Variants in BCAP31 observed in about 807,000 individuals in gnomAD.
The protein encoded by BCAP31 is B-cell receptor-associated protein 31.
For synonymous variants in BCAP31, 75 were observed against 80.9 expected (o/e 0.93, Z 0.39); for missense variants, 124 against 193.0 (o/e 0.64, Z 2.12).
chrX:153,715,521 C>A (rs1557049918), intron 4 of BCAP31, 21 bp downstream of exon 4: 3 of 1,207,854 alleles, frequency 2.5e-6, no homozygotes, highest in Non-Finnish European at 3.4e-6. Flanking sequence ...ACAGCACCTG[C>A]CCCCTCAACC....
chrX:153,720,068 C>T (rs2091654240), intron 3 of BCAP31, among the ~76,000 whole-genome samples: 1 of 111,870 alleles, frequency 8.9e-6, no homozygotes, highest in Non-Finnish European at 1.9e-5. Context: ...CTGTGTTCTC[C>T]TCCTACTACT....
At chrX:153,724,073 G>A (rs1038542899) in intron 1 of BCAP31, 7 of 320,977 alleles carry the variant, frequency 2.2e-5, no homozygotes, top group Non-Finnish European at 3.6e-5. Flanking sequence ...ACTTGGCCCC[G>A]GCCTGGCACA....
intron 2 of BCAP31, among the ~76,000 whole-genome samples, chrX:153,721,996 T>C (rs2091670386): frequency 8.9e-6 from 1 of 112,201 alleles, no homozygotes; most frequent in South Asian, 3.7e-4. Context: ...TGTACTCCCC[T>C]TTGTAATATT....
At position 153,723,297 on chromosome X, in the gene BCAP31, G is replaced by T; in HGVS notation, c.-44-9C>A. 8.4e-7 allele frequency: 1 copy of T among 1,188,891 alleles called. No individual in the cohort carries two copies. The highest frequency in any genetic ancestry group is 1.1e-6 in the Non-Finnish European group (1 of 883,812). On this transcript the variant is annotated splice_polypyrimidine_tract_variant and intron_variant, in intron 1 of 7. Coordinates refer to ENST00000345046, the MANE Select transcript of BCAP31 (RefSeq NM_001256447.2). The stretch of plus-strand genomic sequence containing the variant: ...AGATGTGAGCTTGTTTCCTGGCAGG[G>T]CACAAAAGGTACGGGACTTGTAAGC...
chrX:153,705,767 C>T (rs1199164605), intron 4 of BCAP31, among the ~76,000 whole-genome samples: 2 of 111,788 alleles, frequency 1.8e-5, no homozygotes, highest in Non-Finnish European at 3.8e-5. Flanking sequence ...GGAAGAGGAC[C>T]GCTCCTCCCA....
intron 2 of BCAP31, among the ~76,000 whole-genome samples, chrX:153,722,473 T>G (rs1603230337): frequency 9.0e-6 from 1 of 111,713 alleles, no homozygotes; most frequent in Admixed American, 9.5e-5. Context: ...TGTACGAAGG[T>G]GTGGTTTTCT....
chrX:153,707,398 G>A (rs185683889), intron 4 of BCAP31, among the ~76,000 whole-genome samples: 14 of 109,511 alleles, frequency 1.3e-4, no homozygotes, highest in African/African-American at 3.0e-4. Context: ...GGGAGGGCGC[G>A]GGGCTGGGCT....
chrX:153,723,861 G>A, intron 1 of BCAP31: 1 of 582,376 alleles, frequency 1.7e-6, no homozygotes, highest in Non-Finnish European at 2.8e-6. Context: ...TCCGCCCGGG[G>A]CCGCTTCGCC....
chrX:153,723,911 G>A, intron 1 of BCAP31: 1 of 500,685 alleles, frequency 2.0e-6, no homozygotes, highest in Non-Finnish European at 3.6e-6. Context: ...CTCCTAGAGG[G>A]CAGGATTCGG....
intron 5 of BCAP31, among the ~76,000 whole-genome samples, 161 bp from the exon 6 acceptor site, chrX:153,703,219 G>A (rs1326532741): frequency 8.8e-6 from 1 of 113,215 alleles, no homozygotes; most frequent in Non-Finnish European, 1.9e-5. Flanking sequence ...CCAGCTCCTA[G>A]GCAAAGGCCA....
At chrX:153,714,496 T>C (rs2091613463) in intron 4 of BCAP31, among the ~76,000 whole-genome samples, 1 of 111,425 alleles carries the variant, frequency 9.0e-6, no homozygotes, top group African/African-American at 3.3e-5. Flanking sequence ...AAAATGTGTT[T>C]GCCTTTTCTA....
chrX:153,708,091 C>T (rs2091566248), intron 4 of BCAP31, among the ~76,000 whole-genome samples: 1 of 112,997 alleles, frequency 8.8e-6, no homozygotes, highest in South Asian at 3.6e-4. Flanking sequence ...GGCCAGTGAA[C>T]GAAACTTAAC....
chrX:153,720,610 G>A (rs959525408), intron 3 of BCAP31, among the ~76,000 whole-genome samples: 4 of 111,533 alleles, frequency 3.6e-5, no homozygotes, highest in Non-Finnish European at 5.7e-5. Context: ...GTGATCCACC[G>A]ACCTCAGCCT....
At chrX:153,724,050 C>A (rs886780180) in intron 1 of BCAP31, 1 of 334,797 alleles carries the variant, frequency 3.0e-6, no homozygotes, top group Non-Finnish European at 5.7e-6. Context: ...CCACCCAGAG[C>A]GAGGGGCCTC....
At chrX:153,705,045 A>G (rs1557048109) in intron 4 of BCAP31, 1 of 112,653 alleles carries the variant, frequency 8.9e-6, no homozygotes, top group Non-Finnish European at 1.9e-5. Context: ...TCAAACAGTC[A>G]AAACAAGGCA....
chrX:153,709,898 G>A (rs1399988721), intron 4 of BCAP31, among the ~76,000 whole-genome samples: 1 of 112,760 alleles, frequency 8.9e-6, no homozygotes, highest in Non-Finnish European at 1.9e-5. Flanking sequence ...CCTGCCAAGT[G>A]CCACACCTCA....
intron 4 of BCAP31, among the ~76,000 whole-genome samples, chrX:153,704,478 C>T (rs1441899090): frequency 4.5e-5 from 5 of 112,323 alleles, no homozygotes; most frequent in Non-Finnish European, 7.5e-5. Context: ...GGTAAGGTAA[C>T]GAGAGAAGCT....
chrX:153,703,616 C>A (rs1446149799), intron 5 of BCAP31, among the ~76,000 whole-genome samples: 6 of 112,849 alleles, frequency 5.3e-5, no homozygotes, highest in African/African-American at 1.9e-4. Context: ...GGGGGTGCGG[C>A]AATCTTGCAG....
In BCAP31 at chrX:153,715,619, G is replaced by A; in HGVS notation, c.264C>T (p.Ala88=). ...AAAGCTTCATGTGGAAGTGCTCCATGGCCCCGGGATTGTTCTGGAGGTTCA... is the reference window on the plus strand; with the variant it reads ...AAAGCTTCATGTGGAAGTGCTCCATAGCCCCGGGATTGTTCTGGAGGTTCA... ...EKVNLQNNPG[A]MEHFHMKLFR... Residue 88 remains alanine, a synonymous_variant, in exon 4 of 8, where the codon GCC becomes GCT. Transcript: ENST00000345046. The A allele has an allele frequency of 1.7e-6, 2 of 1,211,340 alleles. No individual in the cohort carries two copies. The highest frequency in any genetic ancestry group is 1.1e-6 in the Non-Finnish European group (1 of 895,074).
Sources: gnomAD v4.1 joint callset for allele counts (sites outside exome capture counted in the v4.1 genomes callset) on GRCh38, gnomAD v4.1.1 for gene constraint, MANE v1.5 for transcripts, NCBI Gene and HGNC (gene_info 2026-07-23, HGNC 2026-07-21) for gene names.